The following ARHGAP10 variants were observed in gnomAD, a reference collection of about 807,000 sequenced individuals.
The protein encoded by ARHGAP10 is Rho GTPase activating protein 10.
Under a neutral mutation model 108.6 loss-of-function variants are expected in ARHGAP10, and 87 were observed. The ratio of observed to expected loss-of-function variants is 0.80; its 90% CI spans 0.67 to 0.96. The LOEUF (loss-of-function observed/expected upper bound fraction) is 0.96. Ranked by LOEUF, ARHGAP10 falls within the 40% of genes least tolerant of loss-of-function variation. The pLI is 0.00. For synonymous variants in ARHGAP10, 347 were observed against 341.1 expected, an observed-to-expected ratio of 1.02 and a Z score of -0.19; for missense variants, 939 against 954.5, an observed-to-expected ratio of 0.98 and a Z score of 0.21.
At chr4:148,066,871 A>C (rs193013426) in intron 22 of ARHGAP10, among the ~76,000 whole-genome samples, 3 of 152,302 alleles carry the variant, frequency 2.0e-5, no homozygotes, top group Admixed American at 2.0e-4. Flanking sequence ...CGTATGGGGG[A>C]GAGGCTGCTG....
intron 13 of ARHGAP10, chr4:147,916,970 A>G (rs1031410535): frequency 1.3e-5 from 2 of 152,196 alleles, no homozygotes; most frequent in African/African-American, 2.4e-5. Flanking sequence ...GAGGGGAGCC[A>G]GGATACAGAT....
rs375275573 is a variant in ARHGAP10 at position 147,907,805 on chromosome 4, C to T, written c.1116+1086C>T. Reference sequence around the variant, plus strand: ...AGCATCCTTGGTCAGATTTGGGTGTCGTCTTACCATATTTGGGATGCATTT... The same window carrying T: ...AGCATCCTTGGTCAGATTTGGGTGTTGTCTTACCATATTTGGGATGCATTT... On this transcript the variant is annotated intron_variant, in intron 11 of 22. Transcript: ENST00000336498. 1.3e-4 allele frequency among the ~76,000 whole-genome samples: 20 copies of T among 152,270 alleles called. 1 individual carries two copies. The highest frequency in any genetic ancestry group is 4.8e-4 in the African/African-American group (20 of 41,560).
intron 16 of ARHGAP10, among the ~76,000 whole-genome samples, chr4:147,961,644 T>G (rs1444238356): frequency 6.6e-6 from 1 of 151,966 alleles, no homozygotes. Flanking sequence ...TCTGAACAGG[T>G]GTTCTGAAAT....
At chr4:147,996,991 T>C (rs1015257946) in intron 18 of ARHGAP10, among the ~76,000 whole-genome samples, 2 of 152,198 alleles carry the variant, frequency 1.3e-5, no homozygotes, top group Non-Finnish European at 2.9e-5. Flanking sequence ...TGTTACCCTG[T>C]CTGTGGTATT....
At chr4:147,870,001 TGTGTG>T (rs1290905269) in intron 7 of ARHGAP10, among the ~76,000 whole-genome samples, 12,104 of 144,502 alleles carry the variant, frequency 0.084, 746 homozygotes, top group East Asian at 0.14. Flanking sequence ...TCCCAGTTTG[TGTGTG>T]TGTGTGTGTG....
intron 20 of ARHGAP10, among the ~76,000 whole-genome samples, chr4:148,058,656 G>C (rs984145227): frequency 6.6e-6 from 1 of 152,204 alleles, no homozygotes; most frequent in Non-Finnish European, 1.5e-5. Context: ...TGCGTGGAGC[G>C]TAGAGTCTGG....
chr4:147,853,092 A>G (rs7435763), intron 4 of ARHGAP10, among the ~76,000 whole-genome samples: 142,655 of 152,288 alleles, frequency 0.94, 67,417 homozygotes, highest in Non-Finnish European at 1. Context: ...GCAGGTGGCT[A>G]GAGCCCATTT....
intron 10 of ARHGAP10, 42 bp downstream of exon 10, chr4:147,881,974 T>G (rs1560807521): frequency 6.3e-7 from 1 of 1,577,466 alleles, no homozygotes. Flanking sequence ...AGAGTCGTTT[T>G]AAAAAAATGA....
rs767795159 is a variant in ARHGAP10, at chr4:148,072,036, C to A, written c.2316C>A (p.Asn772Lys). The change falls in exon 23 of 23, where the codon AAC (asparagine) becomes AAA (lysine). Residue 772 changes from asparagine (N) to lysine (K), a missense_variant. Coordinates refer to ENST00000336498, the MANE Select transcript of ARHGAP10 (RefSeq NM_024605.4). The part of the protein sequence containing the change: ...REPGWLEGTL[N>K]GKRGLIPQNY... ...CTGGCTGGCTAGAAGGGACTCTGAA[C>A]GGCAAGAGGGGGCTGATTCCACAGA... is the stretch of plus-strand genomic sequence containing the variant. The A allele has an allele frequency of 3.1e-6, 5 of 1,613,690 alleles. No individual in the cohort carries two copies. Among genetic ancestry groups the A allele is most frequent in the Non-Finnish European group, 3.4e-6 (4 of 1,179,852 alleles).
At chr4:147,965,310 T>A (rs1739164363) in intron 17 of ARHGAP10, among the ~76,000 whole-genome samples, 181 bp downstream of exon 17, 1 of 152,146 alleles carries the variant, frequency 6.6e-6, no homozygotes, top group African/African-American at 2.4e-5. Context: ...TGTATAATTA[T>A]TTGCTTAACA....
intron 1 of ARHGAP10, among the ~76,000 whole-genome samples, chr4:147,772,269 CCT>C (rs925319387): frequency 6.6e-6 from 1 of 152,192 alleles, no homozygotes; most frequent in Admixed American, 6.5e-5. Context: ...ACTTCAGCTC[CCT>C]CTCCCTAGGT....
chr4:147,935,017 C>T (rs1179390802), intron 13 of ARHGAP10, among the ~76,000 whole-genome samples: 3 of 152,110 alleles, frequency 2.0e-5, no homozygotes, highest in Non-Finnish European at 4.4e-5. Context: ...GCACCTGGCA[C>T]ATATCTGATG....
rs1263346427 is a variant in ARHGAP10 at position 147,737,160 on chromosome 4, TTTTA to T, written c.154+4709_154+4712del. Among the ~76,000 whole-genome samples the T allele has an allele frequency of 2.0e-5, 3 of 152,208 alleles. No homozygotes were observed. The East Asian group carries it at 5.8e-4, about 29-fold the overall frequency. On this transcript the variant is annotated intron_variant, in intron 1 of 22. Transcript: ENST00000336498. ...TATTATTATTTTTAGATTTTTAAAA[TTTTA>T]TTTGAGATGTGAGTCTCGCCCTGTT...
rs1013748453 is a variant in ARHGAP10, at chr4:148,017,676, A to G, written c.1717-5587A>G. Among the ~76,000 whole-genome samples, 68 of 119,948 alleles carry G rather than the reference A, an allele frequency of 5.7e-4. 1 individual carries two copies. The highest frequency in any genetic ancestry group is 2.5e-3 in the African/African-American group (67 of 26,812). The allele number at this position is 119,948 out of a possible 152,430, so 78.7% of individuals were successfully genotyped here. ...ACTATATATATATATATATATATAT[A>G]TATATATGTGTGTGTATGTAAAGGA... On this transcript the variant is annotated intron_variant, in intron 18 of 22. Coordinates refer to ENST00000336498, the MANE Select transcript of ARHGAP10 (RefSeq NM_024605.4).
chr4:147,733,907 G>A (rs1728323157), intron 1 of ARHGAP10, among the ~76,000 whole-genome samples: 2 of 152,082 alleles, frequency 1.3e-5, no homozygotes, highest in South Asian at 4.1e-4. Flanking sequence ...TCTGCTGCTT[G>A]AATCAGAAAT....
At chr4:147,963,313 G>A (rs894136507) in intron 16 of ARHGAP10, among the ~76,000 whole-genome samples, 10 of 151,932 alleles carry the variant, frequency 6.6e-5, no homozygotes, top group Non-Finnish European at 5.9e-5. Flanking sequence ...ACCCTTCCCC[G>A]TTCTTCAGGA....
At chr4:147,914,846 A>G (rs917081774) in intron 13 of ARHGAP10, among the ~76,000 whole-genome samples, 4 of 151,450 alleles carry the variant, frequency 2.6e-5, no homozygotes, top group Admixed American at 1.3e-4. Flanking sequence ...AACCCAAAAC[A>G]TTTTTTTTTA....
At chr4:147,907,482 G>A (rs10004792) in intron 11 of ARHGAP10, among the ~76,000 whole-genome samples, 18,482 of 152,134 alleles carry the variant, frequency 0.12, 1,387 homozygotes, top group East Asian at 0.32. Flanking sequence ...GAAAGCATTT[G>A]CCAGTTCAGC....
intron 1 of ARHGAP10, among the ~76,000 whole-genome samples, chr4:147,792,762 C>A (rs575404150): frequency 6.6e-6 from 1 of 151,864 alleles, no homozygotes; most frequent in Non-Finnish European, 1.5e-5. Flanking sequence ...GGATTTTTTT[C>A]TTTTGTGTTT....
Sources: allele counts gnomAD v4.1 joint callset (sites outside exome capture counted in the v4.1 genomes callset), GRCh38; gene constraint gnomAD v4.1.1; transcripts MANE v1.5; gene names NCBI Gene and HGNC (gene_info 2026-07-23, HGNC 2026-07-21).